OVCH1: variants seen among roughly 807,000 people sequenced by gnomAD.
The protein encoded by OVCH1 is ovochymase-1.
Under a neutral mutation model 138.4 loss-of-function variants are expected in OVCH1, and 139 were observed. That is an observed-to-expected ratio of 1.00 (90% CI 0.87 to 1.16). The LOEUF (loss-of-function observed/expected upper bound fraction) is 1.16. OVCH1 is among the 50% of genes most tolerant of loss of function. The pLI is 0.00. For missense variants in OVCH1, 1,367 were observed against 1,357.9 expected (o/e 1.01, Z -0.11); for synonymous variants, 453 against 467.8 (o/e 0.97, Z 0.41).
intron 21 of OVCH1, among the ~76,000 whole-genome samples, chr12:29,454,257 T>TA (rs1941881314): frequency 6.6e-6 from 1 of 152,306 alleles, no homozygotes; most frequent in South Asian, 2.1e-4. Flanking sequence ...TTTAAACTCT[T>TA]ACTAGTTGTT....
At chr12:29,484,491 T>A (rs899644779) in intron 8 of OVCH1, among the ~76,000 whole-genome samples, 2 of 152,130 alleles carry the variant, frequency 1.3e-5, no homozygotes, top group Non-Finnish European at 2.9e-5. Context: ...AGATACCAGA[T>A]AAAAATGCCA....
exon 17 of OVCH1, chr12:29,465,151 T>A: frequency 1.2e-6 from 2 of 1,600,634 alleles, no homozygotes; most frequent in Non-Finnish European, 8.5e-7. Flanking sequence ...TTTCACCTGC[T>A]CTGTTGATTC....
the OVCH1 span, among the ~76,000 whole-genome samples, chr12:29,407,114 G>A: frequency 2.6e-5 from 4 of 151,916 alleles, no homozygotes; most frequent in South Asian, 4.2e-4. Context: ...CTTTTGAGAA[G>A]TGTCTGTTCA....
At chr12:29,491,376 A>T (rs1037597011) in intron 4 of OVCH1, among the ~76,000 whole-genome samples, 184 bp from the exon 5 acceptor site, 22 of 152,240 alleles carry the variant, frequency 1.4e-4, no homozygotes, top group Admixed American at 1.4e-3. Context: ...TGAGAAATGC[A>T]GAAAAAGTAA....
At chr12:29,483,960 T>C (rs1943015249) in intron 8 of OVCH1, among the ~76,000 whole-genome samples, 2 of 152,230 alleles carry the variant, frequency 1.3e-5, no homozygotes, top group African/African-American at 2.4e-5. Context: ...TCTTGGATGG[T>C]ATGGATTATA....
At chr12:29,440,061 C>T (rs1941446843) in intron 25 of OVCH1, among the ~76,000 whole-genome samples, 1 of 152,132 alleles carries the variant, frequency 6.6e-6, no homozygotes, top group Non-Finnish European at 1.5e-5. Flanking sequence ...CATGATCAAT[C>T]ACATCATTGG....
At chr12:29,493,878 G>T (rs576689495) in intron 4 of OVCH1, among the ~76,000 whole-genome samples, 2 of 152,108 alleles carry the variant, frequency 1.3e-5, no homozygotes, top group African/African-American at 4.8e-5. Context: ...TTCTGTGCTC[G>T]AATTCATTAA....
chr12:29,410,653 G>T (rs1168220388), downstream of OVCH1, among the ~76,000 whole-genome samples: 1 of 150,612 alleles, frequency 6.6e-6, no homozygotes, highest in Non-Finnish European at 1.5e-5. Flanking sequence ...CTCTCTTCTG[G>T]CTTGTAGAGT....
At chr12:29,476,237 A>G in exon 13 of OVCH1, 1 of 1,613,626 alleles carries the variant, frequency 6.2e-7, no homozygotes, top group Non-Finnish European at 8.5e-7. Flanking sequence ...AATCACCGTA[A>G]ATCACAACAG....
intron 3 of OVCH1, among the ~76,000 whole-genome samples, chr12:29,413,722 G>T (rs1198637999): frequency 6.6e-6 from 1 of 150,876 alleles, no homozygotes; most frequent in Non-Finnish European, 1.5e-5. Flanking sequence ...ATTATATTTT[G>T]ATTTAGACGT....
intron 19 of OVCH1, among the ~76,000 whole-genome samples, chr12:29,459,003 G>A (rs746903855): frequency 6.6e-6 from 1 of 152,142 alleles, no homozygotes; most frequent in South Asian, 2.1e-4. Context: ...TTATAGGGAG[G>A]TGGAGAAAAA....
Position 29,489,616 on chromosome 12 carries a change from G to C in OVCH1, c.702+4C>G, listed in dbSNP as rs79158548. On this transcript the variant is annotated splice_donor_region_variant and intron_variant, in intron 6 of 27. Transcript: ENST00000318184. The stretch of plus-strand genomic sequence containing the variant: ...AACAGCTAGGCTGGTTTACACTTTT[G>C]TACCTGGCAGGCGTCCATTCCCCAA... The C allele has an allele frequency of 6.2e-7, 1 of 1,602,144 alleles. No individual in the cohort carries two copies. Among genetic ancestry groups the C allele is most frequent in the Non-Finnish European group, 8.5e-7 (1 of 1,173,942 alleles).
At chr12:29,445,179 T>C in intron 23 of OVCH1, 99 bp downstream of exon 23, 1 of 1,314,662 alleles carries the variant, frequency 7.6e-7, no homozygotes, top group Non-Finnish European at 1.0e-6. Flanking sequence ...CACAGAAACA[T>C]AATTTCTTTC....
chr12:29,436,239 A>T (rs1365395607), intron 26 of OVCH1, among the ~76,000 whole-genome samples: 2 of 152,020 alleles, frequency 1.3e-5, no homozygotes, highest in Non-Finnish European at 2.9e-5. Context: ...ATCTCTGCAC[A>T]TACATAAAGC....
intron 10 of OVCH1, 54 bp from the exon 11 acceptor site, chr12:29,477,532 T>C: frequency 1.2e-6 from 2 of 1,613,880 alleles, no homozygotes; most frequent in East Asian, 2.2e-5. Context: ...GGTGGAAACT[T>C]ACACGTTTGT....
downstream of OVCH1, among the ~76,000 whole-genome samples, chr12:29,409,157 C>G (rs548974949): frequency 6.6e-6 from 1 of 151,128 alleles, no homozygotes; most frequent in East Asian, 1.9e-4. Context: ...TGGTGATATC[C>G]CCTTTATCAT....
chr12:29,469,087 C>G (rs954163400), intron 16 of OVCH1, among the ~76,000 whole-genome samples: 1 of 152,088 alleles, frequency 6.6e-6, no homozygotes, highest in Non-Finnish European at 1.5e-5. Flanking sequence ...ATGGCCAAAG[C>G]TGGAACAATT....
downstream of OVCH1, among the ~76,000 whole-genome samples, chr12:29,423,983 G>A (rs140700944): frequency 0.015 from 2,245 of 152,186 alleles, 36 homozygotes; most frequent in Admixed American, 0.024. Flanking sequence ...CAGCTCGGTC[G>A]GGGAGACCCT....
At position 29,438,079 on chromosome 12, in the gene OVCH1, T is replaced by C. The variant is rs993068402; in HGVS notation, c.3264+1249A>G. On this transcript the variant is annotated intron_variant, in intron 26 of 27. Transcript: ENST00000318184. ...AGTTTTTAATTACACAGGAACTTAT[T>C]AATTTGTTTTCTTCTACTACTTTTA... Among the ~76,000 whole-genome samples the C allele has an allele frequency of 1.9e-4, 29 of 152,286 alleles. 2 individuals are homozygous for C. In the South Asian group the frequency reaches 5.6e-3, roughly 29 times the overall value.
Sources: allele counts gnomAD v4.1 joint callset (sites outside exome capture counted in the v4.1 genomes callset), GRCh38; gene constraint gnomAD v4.1.1; transcripts MANE v1.5; gene names NCBI Gene and HGNC (gene_info 2026-07-23, HGNC 2026-07-21).